The following SPPL3 variants were observed in gnomAD, a reference collection of about 807,000 sequenced individuals.
SPPL3 encodes signal peptide peptidase like 3, also known as signal peptide peptidase-like 3.
SPPL3 carries 5 observed loss-of-function variants against 42.4 expected under a neutral mutation model. The observed-to-expected ratio is 0.12, with a 90% CI of 0.06 to 0.25. The LOEUF is 0.25. Among genes scored for constraint, SPPL3 ranks in the 10% least tolerant of loss-of-function variants. SPPL3 has a pLI of 1.00. For missense variants in SPPL3, 235 were observed against 489.0 expected, an observed-to-expected ratio of 0.48 and a Z score of 4.90; for synonymous variants, 195 against 181.8, an observed-to-expected ratio of 1.07 and a Z score of -0.58.
At chr12:120,782,844 T>C in intron 5 of SPPL3, 77 bp from the exon 6 acceptor site, 2 of 1,082,694 alleles carry the variant, frequency 1.8e-6, no homozygotes, top group Non-Finnish European at 2.8e-6. Context: ...TATTTCGTGA[T>C]GGCTGGATTA....
At chr12:120,786,434 T>C in intron 3 of SPPL3, among the ~76,000 whole-genome samples, 1 of 152,188 alleles carries the variant, frequency 6.6e-6, no homozygotes, top group African/African-American at 2.4e-5. Flanking sequence ...AATAACTTTA[T>C]CATAGGAACA....
intron 1 of SPPL3, among the ~76,000 whole-genome samples, chr12:120,819,915 G>C (rs926234827): frequency 2.0e-5 from 3 of 152,174 alleles, no homozygotes; most frequent in African/African-American, 4.8e-5. Flanking sequence ...GGGCGCACCA[G>C]AGGTTTTACC....
At chr12:120,825,411 T>C (rs1871206542) in intron 1 of SPPL3, among the ~76,000 whole-genome samples, 1 of 152,136 alleles carries the variant, frequency 6.6e-6, no homozygotes, top group South Asian at 2.1e-4. Context: ...AGAGCATCTG[T>C]TTATTGAGCA....
intron 1 of SPPL3, among the ~76,000 whole-genome samples, chr12:120,833,651 T>G (rs1871503344): frequency 1.6e-5 from 2 of 121,296 alleles, no homozygotes; most frequent in Non-Finnish European, 1.6e-5. Context: ...GGCAATATAG[T>G]GAGACTCCAT....
intron 1 of SPPL3, among the ~76,000 whole-genome samples, chr12:120,863,482 A>T (rs1018877468): frequency 1.3e-5 from 2 of 152,202 alleles, no homozygotes; most frequent in Non-Finnish European, 2.9e-5. Flanking sequence ...GTATTCTCGT[A>T]TCTGCTTCGG....
At chr12:120,779,848 A>AAT (rs71076655) in intron 6 of SPPL3, among the ~76,000 whole-genome samples, 19 of 136,906 alleles carry the variant, frequency 1.4e-4, no homozygotes, top group Non-Finnish European at 2.7e-4. Context: ...AAAAAAAAAA[A>AAT]TTAGCAAGGT....
chr12:120,859,060 ATCTC>A (rs762657637), intron 1 of SPPL3, among the ~76,000 whole-genome samples: 2 of 151,928 alleles, frequency 1.3e-5, no homozygotes, highest in Non-Finnish European at 2.9e-5. Context: ...TAGTAAGAAA[ATCTC>A]TCTATGGGTA....
At chr12:120,773,261 C>G (rs933218152) in intron 6 of SPPL3, among the ~76,000 whole-genome samples, 1 of 152,122 alleles carries the variant, frequency 6.6e-6, no homozygotes, top group Non-Finnish European at 1.5e-5. Context: ...CAGGACATTA[C>G]CAGGGAGCAG....
intron 2 of SPPL3, among the ~76,000 whole-genome samples, chr12:120,809,970 T>TA (rs201806219): frequency 5.1e-4 from 72 of 139,836 alleles, no homozygotes; most frequent in African/African-American, 1.6e-3. Flanking sequence ...TAGGACAACA[T>TA]AAAAAAATTT....
intron 1 of SPPL3, among the ~76,000 whole-genome samples, chr12:120,852,803 C>CATAGG (rs1872291811): frequency 1.9e-5 from 1 of 52,786 alleles, no homozygotes; most frequent in Non-Finnish European, 3.6e-5. Context: ...ATCATATATA[C>CATAGG]ATATATGAAA....
chr12:120,786,706 G>C (rs944045551), intron 3 of SPPL3, among the ~76,000 whole-genome samples: 2 of 152,068 alleles, frequency 1.3e-5, no homozygotes, highest in African/African-American at 4.8e-5. Flanking sequence ...CACAGGGCAA[G>C]TAAAGCGCCT....
intron 6 of SPPL3, among the ~76,000 whole-genome samples, chr12:120,773,709 G>A (rs192386798): frequency 6.6e-6 from 1 of 152,262 alleles, no homozygotes; most frequent in East Asian, 1.9e-4. Context: ...ACGGCAACCT[G>A]TGCCTCCCAG....
At chr12:120,805,771 T>TA (rs1401744363) in intron 2 of SPPL3, among the ~76,000 whole-genome samples, 6 of 151,982 alleles carry the variant, frequency 3.9e-5, no homozygotes, top group East Asian at 1.9e-4. Context: ...CATCAAAAAG[T>TA]AAAAAAATAC....
At chr12:120,862,403 C>T (rs1872639508) in intron 1 of SPPL3, among the ~76,000 whole-genome samples, 1 of 152,156 alleles carries the variant, frequency 6.6e-6, no homozygotes, top group Non-Finnish European at 1.5e-5. Flanking sequence ...GAGATTGCCT[C>T]TATTTCAGGT....
chr12:120,902,048 G>T, intron 1 of SPPL3: 2 of 335,808 alleles, frequency 6.0e-6, no homozygotes, highest in Non-Finnish European at 8.5e-6. Flanking sequence ...TAACCACAAG[G>T]CATGACAGAA....
intron 1 of SPPL3, among the ~76,000 whole-genome samples, chr12:120,854,611 A>AT (rs1339715382): frequency 6.6e-6 from 1 of 152,212 alleles, no homozygotes; most frequent in African/African-American, 2.4e-5. Context: ...TGTATATTTT[A>AT]TTAAGGCAAG....
At position 120,877,509 on chromosome 12, in the gene SPPL3, G is replaced by C. The variant is rs1316125459; in HGVS notation, c.23+26336C>G. On this transcript the variant is annotated intron_variant, in intron 1 of 10. Coordinates refer to ENST00000353487, the MANE Select transcript of SPPL3 (RefSeq NM_139015.5). ...GAAAAAGCATAACCCGGCCAGGAGT[G>C]GTGGCTCGCGCCTGTAATCCCAGCA... Among the ~76,000 whole-genome samples the C allele has an allele frequency of 3.3e-5, 5 of 152,328 alleles. No individual in the cohort carries two copies. The East Asian group carries it at 9.6e-4, about 29-fold the overall frequency.
intron 2 of SPPL3, among the ~76,000 whole-genome samples, chr12:120,800,093 C>A (rs771431576): frequency 2.6e-5 from 4 of 152,196 alleles, no homozygotes; most frequent in Non-Finnish European, 5.9e-5. Flanking sequence ...TCCATCTTGA[C>A]CTGCCTTCAC....
At chr12:120,817,132 TAAA>T (rs34780548) in intron 1 of SPPL3, among the ~76,000 whole-genome samples, 1 of 143,526 alleles carries the variant, frequency 7.0e-6, no homozygotes, top group African/African-American at 2.6e-5. Flanking sequence ...TATGAAAAAT[TAAA>T]AAAAAAAAAA....
Sources: gnomAD v4.1 joint callset for allele counts (sites outside exome capture counted in the v4.1 genomes callset) on GRCh38, gnomAD v4.1.1 for gene constraint, MANE v1.5 for transcripts, NCBI Gene and HGNC (gene_info 2026-07-23, HGNC 2026-07-21) for gene names.